NLRP14: variants seen among roughly 807,000 people sequenced by gnomAD.
NLRP14 encodes the protein NACHT, LRR and PYD domains-containing protein 14.
NLRP14 carries 105 observed loss-of-function variants against 94.7 expected under a neutral mutation model. That is an observed-to-expected ratio of 1.11 (90% confidence interval 0.95 to 1.30). The LOEUF is 1.30. NLRP14 is among the 50% of genes most tolerant of loss of function. The pLI, the probability that NLRP14 is intolerant of heterozygous loss-of-function variation, is 0.00. For missense variants in NLRP14, 1,362 were observed against 1,254.1 expected, an observed-to-expected ratio of 1.09 and a Z score of -1.30; for synonymous variants, 508 against 459.9, an observed-to-expected ratio of 1.10 and a Z score of -1.34.
At chr11:7,053,478 T>C (rs944269241) in intron 6 of NLRP14, among the ~76,000 whole-genome samples, 3 of 149,090 alleles carry the variant, frequency 2.0e-5, no homozygotes, top group African/African-American at 7.3e-5. Flanking sequence ...ATTATATATA[T>C]ATATATACTT....
At chr11:7,067,926 G>A (rs1770571158) in intron 10 of NLRP14, among the ~76,000 whole-genome samples, 2 of 152,040 alleles carry the variant, frequency 1.3e-5, no homozygotes, top group South Asian at 2.1e-4. Context: ...CTAACCTGGA[G>A]TTTCTTTGTA....
rs183953653 is a variant in NLRP14 at position 7,026,293 on chromosome 11, T to A, written c.-22+5523T>A. On this transcript the variant is annotated intron_variant, in intron 1 of 11. Coordinates refer to ENST00000299481, the MANE Select transcript of NLRP14 (RefSeq NM_176822.4). ...CTAATATCCGGAATCTACAATGAACTCAAACAAATTTACAAGAAAAAAACA... is the reference window on the plus strand; with the variant it reads ...CTAATATCCGGAATCTACAATGAACACAAACAAATTTACAAGAAAAAAACA... 2.6e-3 allele frequency among the ~76,000 whole-genome samples: 392 copies of A among 152,162 alleles called. 3 individuals carry two copies. Among genetic ancestry groups the A allele is most frequent in the African/African-American group, 9.3e-3 (384 of 41,504 alleles).
chr11:7,089,798 C>T, the NLRP14 span: 3 of 1,602,510 alleles, frequency 1.9e-6, no homozygotes, highest in Non-Finnish European at 2.5e-6. Context: ...GAGACTACCG[C>T]GAACCCCGGG....
At chr11:7,082,222 G>A in the NLRP14 span, among the ~76,000 whole-genome samples, 1 of 152,170 alleles carries the variant, frequency 6.6e-6, no homozygotes, top group Non-Finnish European at 1.5e-5. Flanking sequence ...TTTGAGGAAG[G>A]AGTGTGGTAT....
chr11:7,054,896 C>T (rs1270698320), intron 6 of NLRP14, among the ~76,000 whole-genome samples: 1 of 152,044 alleles, frequency 6.6e-6, no homozygotes, highest in Non-Finnish European at 1.5e-5. Context: ...TGTCCTGGAG[C>T]ATTTCCCCTA....
In NLRP14 at chr11:7,057,679, T is replaced by C. The variant is rs750224867; in HGVS notation, c.2294T>C (p.Leu765Pro). The C allele has an allele frequency of 2.5e-6, 4 of 1,612,104 alleles. No homozygotes were observed. The highest frequency in any genetic ancestry group is 1.7e-5 in the Admixed American group (1 of 59,928). ...TGCTTTTCTGTGTTGTTTTCCAGGCTGGAATCTTGCAACCTAACTGTATTT... is the reference window on the plus strand; with the variant it reads ...TGCTTTTCTGTGTTGTTTTCCAGGCCGGAATCTTGCAACCTAACTGTATTT... ...HPECKLQTLR[L>P]ESCNLTVFCC... Residue 765 changes from leucine to proline, a missense_variant and splice_region_variant, in exon 7 of 12, where the codon CTG (leucine) becomes CCG (proline). By Grantham distance (98) the Leu-to-Pro change is moderately conservative. Coordinates refer to ENST00000299481, the MANE Select transcript of NLRP14 (RefSeq NM_176822.4).
chr11:7,089,945 C>G, the NLRP14 span: 1 of 1,613,054 alleles, frequency 6.2e-7, no homozygotes, highest in Admixed American at 1.7e-5. Flanking sequence ...ATCATCTGAG[C>G]AGAGGCTCCC....
chr11:7,063,077 C>CA (rs1156831534), intron 10 of NLRP14, among the ~76,000 whole-genome samples: 3 of 152,122 alleles, frequency 2.0e-5, no homozygotes, highest in African/African-American at 7.2e-5. Flanking sequence ...AGAAATTTAA[C>CA]AGTCTTCCAG....
chr11:7,047,846 G>T (rs1266092042), intron 5 of NLRP14, among the ~76,000 whole-genome samples: 9 of 136,624 alleles, frequency 6.6e-5, no homozygotes, highest in African/African-American at 2.7e-5. Flanking sequence ...TGCAACCTCC[G>T]CCTCCCAGGT....
chr11:7,032,738 A>T (rs779588445), intron 1 of NLRP14, among the ~76,000 whole-genome samples: 2 of 152,144 alleles, frequency 1.3e-5, no homozygotes, highest in Non-Finnish European at 2.9e-5. Flanking sequence ...TGAATAGGCT[A>T]TTCACAATAA....
At position 7,038,671 on chromosome 11, in the gene NLRP14, A is replaced by C; in HGVS notation, c.85A>C (p.Thr29Pro). 1 of 1,613,564 alleles carries C rather than the reference A, an allele frequency of 6.2e-7. No individual in the cohort carries two copies. Among genetic ancestry groups the C allele is most frequent in the Non-Finnish European group, 8.5e-7 (1 of 1,179,476 alleles). The change falls in exon 2 of 12, where the codon ACA becomes CCA. Residue 29 changes from threonine (T) to proline (P), a missense_variant. Transcript: ENST00000299481. ...GGAGCTAAACAAAGAGGAATTAAAT[A>C]CATTCAAGTTATTCCTAAAGGAGAC... ...LEELNKEELN[T>P]FKLFLKETME...
chr11:7,066,418 G>A (rs544740598), intron 10 of NLRP14, among the ~76,000 whole-genome samples: 9 of 152,264 alleles, frequency 5.9e-5, no homozygotes, highest in Admixed American at 4.6e-4. Context: ...GCATGAGATG[G>A]TATCTCACTG....
chr11:7,034,335 C>T (rs2119582104), intron 1 of NLRP14, among the ~76,000 whole-genome samples: 1 of 152,224 alleles, frequency 6.6e-6, no homozygotes, highest in African/African-American at 2.4e-5. Context: ...TTGCATACCC[C>T]ATTATTTTCC....
chr11:7,064,085 G>A (rs1852668810), intron 10 of NLRP14, among the ~76,000 whole-genome samples: 1 of 152,144 alleles, frequency 6.6e-6, no homozygotes, highest in Non-Finnish European at 1.5e-5. Flanking sequence ...GCACTAGTTT[G>A]GTTAAGCCAG....
At chr11:7,077,628 C>A in the NLRP14 span, among the ~76,000 whole-genome samples, 2 of 152,212 alleles carry the variant, frequency 1.3e-5, no homozygotes, top group African/African-American at 2.4e-5. Flanking sequence ...ACTTACAGTT[C>A]CATGTGGCTG....
At chr11:7,037,515 T>C (rs914923838) in intron 1 of NLRP14, among the ~76,000 whole-genome samples, 2 of 152,200 alleles carry the variant, frequency 1.3e-5, no homozygotes, top group African/African-American at 4.8e-5. Context: ...GCTGCATCAC[T>C]TACTAGCTCT....
At chr11:7,089,723 G>A in the NLRP14 span, 111 of 1,451,990 alleles carry the variant, frequency 7.6e-5, no homozygotes, top group Non-Finnish European at 9.9e-5. Context: ...CGCTGCCCCC[G>A]CGCCGCGACC....
At chr11:7,021,906 C>T (rs528530608) in intron 1 of NLRP14, among the ~76,000 whole-genome samples, 43 of 151,366 alleles carry the variant, frequency 2.8e-4, no homozygotes, top group African/African-American at 9.9e-4. Context: ...ACACTGCTTC[C>T]AACCTGAGAA....
At chr11:7,089,006 C>T in the NLRP14 span, 1 of 1,261,238 alleles carries the variant, frequency 7.9e-7, no homozygotes, top group Non-Finnish European at 1.1e-6. Flanking sequence ...GTGGACTCGG[C>T]GACTAGGCGC....
Sources: gnomAD v4.1 joint callset for allele counts (sites outside exome capture counted in the v4.1 genomes callset) on GRCh38, gnomAD v4.1.1 for gene constraint, MANE v1.5 for transcripts, NCBI Gene and HGNC (gene_info 2026-07-23, HGNC 2026-07-21) for gene names.